GIGYF1: variants seen among roughly 807,000 people sequenced by gnomAD.
The protein encoded by GIGYF1 is GRB10 interacting GYF protein 1.
In GIGYF1, 84 loss-of-function variants were observed where a neutral mutation model predicts 147.1. The observed-to-expected ratio is 0.57, with a 90% CI of 0.48 to 0.68. The LOEUF is 0.68. Among genes scored for constraint, GIGYF1 ranks in the 30% least tolerant of loss-of-function variants. The pLI is 0.00. For missense variants in GIGYF1, 1,485 were observed against 1,393.7 expected (o/e 1.07, Z -1.04); for synonymous variants, 752 against 589.5 (o/e 1.28, Z -3.99).
chr7:100,682,788 C>T lies in GIGYF1; in HGVS notation c.2413-11G>A. On this transcript the variant is annotated splice_polypyrimidine_tract_variant and intron_variant, in intron 22 of 26. Transcript: ENST00000678049. Reference sequence around the variant, plus strand: ...CAGGCCCCCAAGCTGCTACAGATGGCAGAAGATCAGAGTGGCTCAAACAAA... The same window carrying T: ...CAGGCCCCCAAGCTGCTACAGATGGTAGAAGATCAGAGTGGCTCAAACAAA... The T allele has an allele frequency of 6.6e-7, 1 of 1,518,352 alleles. No homozygotes were observed. The highest frequency in any genetic ancestry group is 8.8e-7 in the Non-Finnish European group (1 of 1,135,490). 94.1% of individuals were successfully genotyped at this position (1,518,352 alleles called of 1,614,324 possible).
At chr7:100,685,729 C>T (rs1217764857) in intron 12 of GIGYF1, among the ~76,000 whole-genome samples, 2 of 152,188 alleles carry the variant, frequency 1.3e-5, no homozygotes, top group Admixed American at 6.5e-5. Context: ...GACGTCACTC[C>T]AGGTTCTACA....
chr7:100,681,933 G>A lies in GIGYF1; in HGVS notation c.2986C>T (p.Leu996Phe). 6.2e-7 allele frequency: 1 copy of A among 1,610,204 alleles called. No homozygotes were observed. Among genetic ancestry groups the A allele is most frequent in the Non-Finnish European group, 8.5e-7 (1 of 1,179,954 alleles). The change falls in exon 26 of 27, where the codon CTC (leucine) becomes TTC (phenylalanine). Residue 996 changes from leucine to phenylalanine, a missense_variant. Leu to Phe is a conservative substitution (Grantham distance 22). Coordinates refer to ENST00000678049, the MANE Select transcript of GIGYF1 (RefSeq NM_001375765.1). ...TAFQANHSTKLGPGEGSKAKR... is the reference protein window; with the variant it reads ...TAFQANHSTKFGPGEGSKAKR... ...GCCTTGCTGCCCTCCCCGGGGCCGAGTTTGGTGCTGTGGTTGGCCTGGAAG... is the reference window on the plus strand; with the variant it reads ...GCCTTGCTGCCCTCCCCGGGGCCGAATTTGGTGCTGTGGTTGGCCTGGAAG...
In GIGYF1 at chr7:100,683,017, G is replaced by T; in HGVS notation, c.2407C>A (p.Arg803=). The change falls in exon 22 of 27, where the codon CGA becomes AGA. Residue 803 remains arginine, a synonymous_variant. Coordinates refer to ENST00000678049, the MANE Select transcript of GIGYF1 (RefSeq NM_001375765.1). ...EPARAQAPNH[R]VQLGGLGTAP... is the part of the protein sequence containing the mutation. ...GAGGTTCCCGGCCTGCTCACCACTC[G>T]GTGGTTGGGGGCCTGGGCCCGAGCT... The T allele has an allele frequency of 1.3e-6, 2 of 1,527,970 alleles. No homozygotes were observed. Among genetic ancestry groups the T allele is most frequent in the Non-Finnish European group, 1.8e-6 (2 of 1,141,788 alleles). 94.7% of individuals were successfully genotyped at this position (1,527,970 alleles called of 1,614,324 possible). A position where few individuals can be genotyped will look rare whatever the true frequency, so the allele number is the denominator to read the frequency against.
chr7:100,684,062 A>AGCTGCT lies in GIGYF1; in HGVS notation c.1820_1825dup (p.Gln607_Gln608dup), dbSNP rs750764437. ...CTGGAGCTGCTGCAGGAATGCCGTG[A>AGCTGCT]GCTGCTGCTGCTGCTGCTGTGGCGG... is the stretch of plus-strand genomic sequence containing the variant. On this transcript the variant is annotated inframe_insertion, in exon 18 of 27. Coordinates refer to ENST00000678049, the MANE Select transcript of GIGYF1 (RefSeq NM_001375765.1). 1.2e-4 allele frequency: 190 copies of AGCTGCT among 1,596,606 alleles called. No homozygotes were observed. Among genetic ancestry groups the AGCTGCT allele is most frequent in the Non-Finnish European group, 1.5e-4 (180 of 1,174,324 alleles).
chr7:100,686,103 C>T, intron 11 of GIGYF1, 24 bp from the exon 12 acceptor site: 6 of 1,605,020 alleles, frequency 3.7e-6, no homozygotes, highest in Non-Finnish European at 5.1e-6. Context: ...GGGTGGGGAG[C>T]AGAGAACAGC....
In GIGYF1 at chr7:100,683,354, CCTG is replaced by C. The variant is rs746966202; in HGVS notation, c.2140_2142del (p.Gln714del). ...TCCTCCTGCCGCCGCTTCTGCTCCT[CCTG>C]CTGCTGCTGGCGGCGCTTCTCCTCT... is the stretch of plus-strand genomic sequence containing the variant. On this transcript the variant is annotated inframe_deletion, in exon 21 of 27. Transcript: ENST00000678049. 26 of 1,613,708 alleles carry C rather than the reference CCTG, an allele frequency of 1.6e-5. No individual in the cohort carries two copies. The highest frequency in any genetic ancestry group is 2.1e-5 in the Non-Finnish European group (25 of 1,179,912).
intron 1 of GIGYF1, among the ~76,000 whole-genome samples, chr7:100,691,923 G>A (rs1562888665): frequency 1.3e-5 from 2 of 152,272 alleles, no homozygotes; most frequent in Non-Finnish European, 2.9e-5. Flanking sequence ...CTGGGGCTCA[G>A]AACTCAAGAG....
intron 12 of GIGYF1, among the ~76,000 whole-genome samples, 200 bp downstream of exon 12, chr7:100,685,774 T>C (rs1183927160): frequency 6.6e-6 from 1 of 152,222 alleles, no homozygotes; most frequent in East Asian, 1.9e-4. Context: ...TCATTTTGAT[T>C]ACGCCTGATT....
At position 100,686,098 on chromosome 7, in the gene GIGYF1, G is replaced by T. The variant is rs1479089732; in HGVS notation, c.949-19C>A. The T allele has an allele frequency of 1.2e-6, 2 of 1,611,506 alleles. No homozygotes were observed. The highest frequency in any genetic ancestry group is 1.3e-5 in the African/African-American group (1 of 74,948). Reference sequence around the variant, plus strand: ...GGCCCTTCTGCATGGGGCCGGGGTGGGGAGCAGAGAACAGCTGGGGTGGGT... The same window carrying T: ...GGCCCTTCTGCATGGGGCCGGGGTGTGGAGCAGAGAACAGCTGGGGTGGGT... On this transcript the variant is annotated intron_variant, in intron 11 of 26. Coordinates refer to ENST00000678049, the MANE Select transcript of GIGYF1 (RefSeq NM_001375765.1).
At chr7:100,682,297 C>T in intron 24 of GIGYF1, 25 bp downstream of exon 24, 12 of 1,609,200 alleles carry the variant, frequency 7.5e-6, no homozygotes, top group Non-Finnish European at 9.3e-6. Flanking sequence ...AGGTCCCGCC[C>T]ACCTCCTGGG....
rs1805306128 is a variant in GIGYF1 at position 100,686,091 on chromosome 7, C to A, written c.949-12G>T. 1 of 919,286 alleles carries A rather than the reference C, an allele frequency of 1.1e-6. No homozygotes were observed. Among genetic ancestry groups the A allele is most frequent in the Non-Finnish European group, 1.6e-6 (1 of 607,726 alleles). The allele number at this position is 919,286 out of a possible 1,614,324, so 56.9% of individuals were successfully genotyped here. A position where few individuals can be genotyped will look rare whatever the true frequency, so the allele number is the denominator to read the frequency against. On this transcript the variant is annotated splice_polypyrimidine_tract_variant and intron_variant, in intron 11 of 26. Coordinates refer to ENST00000678049, the MANE Select transcript of GIGYF1 (RefSeq NM_001375765.1). ...TCCTTGGGGCCCTTCTGCATGGGGC[C>A]GGGGTGGGGAGCAGAGAACAGCTGG...
chr7:100,681,509 AAAAAAAT>A lies in GIGYF1; in HGVS notation c.*203_*209del, dbSNP rs1057129093. ...TTTCTTCAGTCGTTTAAAATTAAAA[AAAAAAAT>A]AAAAAGAAAAACCCCCTCCCCCAGT... On this transcript the variant is annotated 3_prime_UTR_variant, in exon 27 of 27. Coordinates refer to ENST00000678049, the MANE Select transcript of GIGYF1 (RefSeq NM_001375765.1). 4.7e-6 allele frequency: 2 copies of A among 423,358 alleles called. No individual in the cohort carries two copies. Among genetic ancestry groups the A allele is most frequent in the South Asian group, 8.7e-5 (1 of 11,442 alleles). The allele number at this position is 423,358 out of a possible 1,614,324, so 26.2% of individuals were successfully genotyped here.
chr7:100,687,243 AGGCCTCCCCTCCCT>A, intron 8 of GIGYF1, 41 bp downstream of exon 8: 1 of 1,545,826 alleles, frequency 6.5e-7, no homozygotes, highest in Non-Finnish European at 8.9e-7. Context: ...GACAGGGCCC[AGGCCTCCCCTCCCT>A]GGCCTGCCCG....
chr7:100,685,366 C>G lies in GIGYF1; in HGVS notation c.1170G>C (p.Glu390Asp). The G allele has an allele frequency of 6.3e-7, 1 of 1,599,292 alleles. No homozygotes were observed. The highest frequency in any genetic ancestry group is 8.5e-7 in the Non-Finnish European group (1 of 1,176,026). ...TACCTTCGGCCGCTGGGGGCTCTTTCTCTGCAGTTTCGTCCCCATCCCCGT... is the reference window on the plus strand; with the variant it reads ...TACCTTCGGCCGCTGGGGGCTCTTTGTCTGCAGTTTCGTCCCCATCCCCGT... ...GTNGDGDETA[E>D]KEPPAAEDDI... Residue 390 changes from glutamate to aspartate, a missense_variant, in exon 13 of 27, where the codon GAG (glutamate) becomes GAC (aspartate). Transcript: ENST00000678049.
intron 10 of GIGYF1, 103 bp downstream of exon 10, chr7:100,686,546 C>T: frequency 6.6e-7 from 1 of 1,520,900 alleles, no homozygotes; most frequent in Non-Finnish European, 8.8e-7. Flanking sequence ...CACTCCCACA[C>T]CAGCCAGCCT....
chr7:100,684,009 G>A lies in GIGYF1; in HGVS notation c.1868+11C>T, dbSNP rs774685153. The A allele has an allele frequency of 2.2e-5, 30 of 1,334,004 alleles. 1 individual carries two copies. In the East Asian group the frequency reaches 8.9e-4, roughly 40 times the overall value. The allele number at this position is 1,334,004 out of a possible 1,614,324, so 82.6% of individuals were successfully genotyped here. A position where few individuals can be genotyped will look rare whatever the true frequency, so the allele number is the denominator to read the frequency against. On this transcript the variant is annotated intron_variant, in intron 18 of 26. Transcript: ENST00000678049. The stretch of plus-strand genomic sequence containing the variant: ...CACCCTGTATCCTGAGGGCTCGCAC[G>A]CACCACGCACCTGGGGGGTTTGAGC...
rs776765516 is a variant in GIGYF1, at chr7:100,684,856, G to T, written c.1329C>A (p.Ser443=). 2 of 1,605,274 alleles carry T rather than the reference G, an allele frequency of 1.2e-6. No individual in the cohort carries two copies. The highest frequency in any genetic ancestry group is 8.5e-7 in the Non-Finnish European group (1 of 1,175,182). ...EKLVASLQDS[S]LEEEQFTAAM... ...CAGCCGTGAACTGCTCCTCCTCCAA[G>T]GAGCTGTCCTGCAGGGAGGCCACCA... Residue 443 remains serine, a synonymous_variant, in exon 15 of 27, where the codon TCC becomes TCA. Transcript: ENST00000678049.
At position 100,684,632 on chromosome 7, in the gene GIGYF1, G is replaced by A. The variant is rs1244425792; in HGVS notation, c.1463-16C>T. The A allele has an allele frequency of 6.2e-7, 1 of 1,613,976 alleles. No homozygotes were observed. The highest frequency in any genetic ancestry group is 8.5e-7 in the Non-Finnish European group (1 of 1,179,934). ...GTGAAGGGGCCTGGACAGGGAGCGA[G>A]GGAGCGGGAGAACCACTGGGGTCAC... On this transcript the variant is annotated splice_polypyrimidine_tract_variant and intron_variant, in intron 15 of 26. Coordinates refer to ENST00000678049, the MANE Select transcript of GIGYF1 (RefSeq NM_001375765.1).
At position 100,686,684 on chromosome 7, in the gene GIGYF1, C is replaced by T. The variant is rs988228168; in HGVS notation, c.659G>A (p.Arg220Gln). The change falls in exon 10 of 27, where the codon CGG becomes CAG. Residue 220 changes from arginine (R) to glutamine (Q), a missense_variant. Coordinates refer to ENST00000678049, the MANE Select transcript of GIGYF1 (RefSeq NM_001375765.1). ...GGAGCGCCAGCGGTCGCCGTCTCGC[C>T]GGGGCCCTGCTCCGAGCCTCCAGCT... ...EGSWRLGAGP[R>Q]RDGDRWRSAS... 25 of 1,612,930 alleles carry T rather than the reference C, an allele frequency of 1.5e-5. No homozygotes were observed. The highest frequency in any genetic ancestry group is 2.0e-5 in the Non-Finnish European group (24 of 1,179,818).
Sources: allele counts gnomAD v4.1 joint callset (sites outside exome capture counted in the v4.1 genomes callset), GRCh38; gene constraint gnomAD v4.1.1; transcripts MANE v1.5; gene names NCBI Gene and HGNC (gene_info 2026-07-23, HGNC 2026-07-21).